The following CENATAC variants were observed in gnomAD, a reference collection of about 807,000 sequenced individuals.
The protein encoded by CENATAC is centrosomal AT-AC splicing factor.
A neutral mutation model predicts 53.7 loss-of-function variants in CENATAC; 53 were observed. The ratio of observed to expected loss-of-function variants is 0.99; its 90% CI spans 0.79 to 1.24. The LOEUF (loss-of-function observed/expected upper bound fraction) is 1.24. Ranked by LOEUF, CENATAC falls within the 50% of genes most tolerant of loss-of-function variation. The pLI is 0.00. For synonymous variants in CENATAC, 156 were observed against 144.6 expected, an observed-to-expected ratio of 1.08 and a Z score of -0.57; for missense variants, 474 against 417.8, an observed-to-expected ratio of 1.13 and a Z score of -1.17.
chr11:118,998,314 C>G lies in CENATAC; in HGVS notation c.117C>G (p.Pro39=). Residue 39 remains proline, a synonymous_variant, in exon 1 of 11, where the codon CCC becomes CCG. Coordinates refer to ENST00000334418, the MANE Select transcript of CENATAC (RefSeq NM_198489.3). ...AGGAGGCTTTGGAGAGGCTCCTGCC[C>G]CAGGTGCGGAGGCAAGGCTAGAGAT... ...QLKEALERLL[P]QVEAARKAIR... The G allele has an allele frequency of 6.2e-7, 1 of 1,609,732 alleles. No homozygotes were observed. Among genetic ancestry groups the G allele is most frequent in the Non-Finnish European group, 8.5e-7 (1 of 1,178,164 alleles).
intron 3 of CENATAC, among the ~76,000 whole-genome samples, chr11:119,008,446 TTCTCTCCACCCAAACA>T (rs1942710768): frequency 6.6e-6 from 1 of 152,188 alleles, no homozygotes; most frequent in Non-Finnish European, 1.5e-5. Flanking sequence ...AGACTTATGT[TTCTCTCCACCCAAACA>T]TCTCAGTGGA....
Position 119,015,287 on chromosome 11 carries a change from G to T in CENATAC, c.806-20G>T, listed in dbSNP as rs1943108560. On this transcript the variant is annotated intron_variant, in intron 9 of 10. Coordinates refer to ENST00000334418, the MANE Select transcript of CENATAC (RefSeq NM_198489.3). ...TATTCTTCAATAAAGAAAAATAAAA[G>T]TTTCCCTATCATTGTACAGAGGAAA... 6 of 1,586,992 alleles carry T rather than the reference G, an allele frequency of 3.8e-6. No homozygotes were observed. The highest frequency in any genetic ancestry group is 5.1e-6 in the Non-Finnish European group (6 of 1,170,452).
chr11:119,012,238 C>G lies in CENATAC; in HGVS notation c.668C>G (p.Thr223Arg), dbSNP rs1325626359. 1 of 1,614,152 alleles carries G rather than the reference C, an allele frequency of 6.2e-7. No individual in the cohort carries two copies. Among genetic ancestry groups the G allele is most frequent in the South Asian group, 1.1e-5 (1 of 91,080 alleles). Residue 223 changes from threonine (T) to arginine (R), a missense_variant, in exon 7 of 11, where the codon ACA becomes AGA. Physicochemically the swap from Thr to Arg is moderately conservative, Grantham distance 71 (BLOSUM62 -1). Transcript: ENST00000334418. ...LDWMETGPSL[T>R]FIGHQDIPGV... ...TGGATGGAGACAGGACCATCTCTGA[C>G]ATTCATTGGCCATCAGGTACAAAGG...
At chr11:119,014,516 C>T (rs992290552) in intron 8 of CENATAC, 7 of 152,182 alleles carry the variant, frequency 4.6e-5, no homozygotes, top group East Asian at 1.9e-4. Flanking sequence ...ACCTGGGAGG[C>T]GGAGGTTGCA....
intron 3 of CENATAC, chr11:119,005,632 C>T (rs142085442): frequency 6.6e-6 from 1 of 151,896 alleles, no homozygotes; most frequent in African/African-American, 2.4e-5. Flanking sequence ...TTCTGGACTT[C>T]AACCACACTG....
intron 10 of CENATAC, 48 bp from the exon 11 acceptor site, chr11:119,015,490 T>C (rs1473556972): frequency 6.2e-7 from 1 of 1,614,060 alleles, no homozygotes; most frequent in Admixed American, 1.7e-5. Context: ...ACCTCCTTTT[T>C]GGAGATGTCA....
intron 3 of CENATAC, chr11:119,009,753 G>A (rs1942778849): frequency 6.6e-6 from 1 of 152,206 alleles, no homozygotes; most frequent in Admixed American, 6.5e-5. Flanking sequence ...GAAACTTTGT[G>A]TTGAGAACCA....
chr11:119,011,752 G>A (rs1942881732), intron 5 of CENATAC, among the ~76,000 whole-genome samples, 187 bp from the exon 6 acceptor site: 1 of 152,040 alleles, frequency 6.6e-6, no homozygotes, highest in Admixed American at 6.6e-5. Context: ...CCAGGGGGCA[G>A]GCCTAGTCAG....
rs554466893 is a variant in CENATAC at position 119,010,532 on chromosome 11, C to T, written c.384-232C>T. 3.2e-3 allele frequency: 1,693 copies of T among 523,440 alleles called. 8 individuals are homozygous for T. The highest frequency in any genetic ancestry group is 0.015 in the Middle Eastern group (30 of 1,996). 32.4% of individuals were successfully genotyped at this position (523,440 alleles called of 1,614,324 possible). A position where few individuals can be genotyped will look rare whatever the true frequency, so the allele number is the denominator to read the frequency against. ...GATGTGTGTTGAAAATAGGGTTTGA[C>T]GTCTAAACCTATTTTGTTTTGGCAA... On this transcript the variant is annotated intron_variant, in intron 3 of 10. Transcript: ENST00000334418.
chr11:119,001,903 C>T (rs1011265314), intron 3 of CENATAC: 1 of 240,166 alleles, frequency 4.2e-6, no homozygotes, highest in Non-Finnish European at 8.7e-6. Context: ...AAAAGAAATA[C>T]GAATTTTTTT....
intron 3 of CENATAC, among the ~76,000 whole-genome samples, chr11:119,002,658 A>G (rs935697386): frequency 1.4e-5 from 2 of 143,686 alleles, no homozygotes; most frequent in Non-Finnish European, 1.5e-5. Context: ...ATTTCTATGT[A>G]TACTTTTAAA....
In CENATAC at chr11:119,015,731, A is replaced by G; in HGVS notation, c.*133A>G. 1 of 1,281,192 alleles carries G rather than the reference A, an allele frequency of 7.8e-7. No homozygotes were observed. Among genetic ancestry groups the G allele is most frequent in the African/African-American group, 1.5e-5 (1 of 67,164 alleles). 79.4% of individuals were successfully genotyped at this position (1,281,192 alleles called of 1,614,324 possible). A position where few individuals can be genotyped will look rare whatever the true frequency, so the allele number is the denominator to read the frequency against. On this transcript the variant is annotated 3_prime_UTR_variant, in exon 11 of 11. Coordinates refer to ENST00000334418, the MANE Select transcript of CENATAC (RefSeq NM_198489.3). ...CATTCATTTGATTTAATAAAGTTTT[A>G]TTTTTCCAAATGTACAGCTGGTTGG... is the stretch of plus-strand genomic sequence containing the variant.
intron 3 of CENATAC, chr11:119,003,415 G>A: frequency 4.1e-6 from 2 of 491,670 alleles, no homozygotes; most frequent in East Asian, 5.2e-5. Flanking sequence ...TTTAGGAGGG[G>A]CAGGAGCTTC....
Position 119,015,295 on chromosome 11 carries a change from A to G in CENATAC, c.806-12A>G, listed in dbSNP as rs1327510181. ...AATAAAGAAAAATAAAAGTTTCCCTATCATTGTACAGAGGAAAAACAGAAG... is the reference window on the plus strand; with the variant it reads ...AATAAAGAAAAATAAAAGTTTCCCTGTCATTGTACAGAGGAAAAACAGAAG... On this transcript the variant is annotated splice_polypyrimidine_tract_variant and intron_variant, in intron 9 of 10. Coordinates refer to ENST00000334418, the MANE Select transcript of CENATAC (RefSeq NM_198489.3). 3.1e-6 allele frequency: 5 copies of G among 1,596,062 alleles called. No homozygotes were observed. Among genetic ancestry groups the G allele is most frequent in the Admixed American group, 1.8e-5 (1 of 54,484 alleles).
At chr11:119,013,666 T>C (rs1220232286) in intron 8 of CENATAC, among the ~76,000 whole-genome samples, 1 of 151,944 alleles carries the variant, frequency 6.6e-6, no homozygotes, top group Non-Finnish European at 1.5e-5. Flanking sequence ...GGTTTCACCG[T>C]TTTAGCCGGG....
chr11:119,003,178 CGTGT>C, intron 3 of CENATAC: 1 of 374,790 alleles, frequency 2.7e-6, no homozygotes, highest in Non-Finnish European at 5.0e-6. Flanking sequence ...AACACAAGTG[CGTGT>C]GTCTTCTGTC....
At chr11:119,014,700 T>C in intron 8 of CENATAC, 1 of 232,758 alleles carries the variant, frequency 4.3e-6, no homozygotes, top group Middle Eastern at 1.3e-3. Context: ...GGGGCAGTGA[T>C]ACTTACAGGG....
chr11:119,012,249 C>A lies in CENATAC; in HGVS notation c.679C>A (p.His227Asn), dbSNP rs1358608182. The A allele has an allele frequency of 8.1e-6, 13 of 1,613,900 alleles. No individual in the cohort carries two copies. In the Admixed American group the frequency reaches 2.2e-4, roughly 27 times the overall value. Residue 227 changes from histidine (H) to asparagine (N), a missense_variant, in exon 7 of 11, where the codon CAT (histidine) becomes AAT (asparagine). Coordinates refer to ENST00000334418, the MANE Select transcript of CENATAC (RefSeq NM_198489.3). ...ETGPSLTFIG[H>N]QDIPGVGNIH... ...AGGACCATCTCTGACATTCATTGGC[C>A]ATCAGGTACAAAGGATAAGCAAGCC...
At chr11:118,998,938 CA>C in intron 2 of CENATAC, 72 bp from the exon 3 acceptor site, 1 of 1,206,638 alleles carries the variant, frequency 8.3e-7, no homozygotes, top group South Asian at 1.3e-5. Context: ...GTTTGCATTA[CA>C]AACCTAATGC....
Sources: allele counts gnomAD v4.1 joint callset (sites outside exome capture counted in the v4.1 genomes callset), GRCh38; gene constraint gnomAD v4.1.1; transcripts MANE v1.5; gene names NCBI Gene and HGNC (gene_info 2026-07-23, HGNC 2026-07-21).